Variants in VEGFC observed in about 807,000 individuals in gnomAD.
VEGFC encodes FLT4 ligand DHM.
VEGFC carries 12 observed loss-of-function variants against 46.1 expected under a neutral mutation model. The ratio of observed to expected loss-of-function variants is 0.26; its 90% CI spans 0.17 to 0.42. The LOEUF is 0.42. Ranked by LOEUF, VEGFC falls within the 10% of genes least tolerant of loss-of-function variation. The pLI, the probability that VEGFC is intolerant of heterozygous loss-of-function variation, is 1.00. For missense variants in VEGFC, 488 were observed against 529.4 expected (o/e 0.92, Z 0.77); for synonymous variants, 232 against 195.5 (o/e 1.19, Z -1.56).
chr4:176,688,057 G>A (rs1022139667), intron 4 of VEGFC, 130 bp from the exon 5 acceptor site: 31 of 540,608 alleles, frequency 5.7e-5, no homozygotes, highest in Non-Finnish European at 9.7e-5. Flanking sequence ...GAGATAAAAT[G>A]TGAATGTTTT....
intron 3 of VEGFC, among the ~76,000 whole-genome samples, chr4:176,723,764 A>G (rs1734829158): frequency 7.4e-6 from 1 of 134,350 alleles, no homozygotes; most frequent in Admixed American, 7.6e-5. Flanking sequence ...CTTTTATTTT[A>G]GGTTTGGGGT....
Position 176,687,817 on chromosome 4 carries a change from T to G in VEGFC, c.811+4A>C. 1 of 1,604,310 alleles carries G rather than the reference T, an allele frequency of 6.2e-7. No homozygotes were observed. The highest frequency in any genetic ancestry group is 8.5e-7 in the Non-Finnish European group (1 of 1,172,446). On this transcript the variant is annotated splice_donor_region_variant and intron_variant, in intron 5 of 6. Transcript: ENST00000618562. ...TTTAGTCTTTAAAGCATCATTCTGC[T>G]TACCATCTCCAGCATCCGAGGAAAA...
intron 1 of VEGFC, among the ~76,000 whole-genome samples, chr4:176,730,051 T>C (rs991803480): frequency 6.6e-6 from 1 of 152,196 alleles, no homozygotes; most frequent in African/African-American, 2.4e-5. Context: ...GGTCAATTTG[T>C]ATGTTTGAAA....
At chr4:176,754,863 G>A (rs989123483) in intron 1 of VEGFC, among the ~76,000 whole-genome samples, 8 of 151,900 alleles carry the variant, frequency 5.3e-5, no homozygotes, top group Non-Finnish European at 1.0e-4. Flanking sequence ...AAGTTTCTTA[G>A]GATATCCACT....
intron 1 of VEGFC, among the ~76,000 whole-genome samples, chr4:176,764,810 A>G (rs534226367): frequency 2.0e-5 from 3 of 152,340 alleles, no homozygotes; most frequent in Admixed American, 2.0e-4. Context: ...TAGTCTAGAC[A>G]GTTATAATTT....
At chr4:176,779,865 C>T (rs898140357) in intron 1 of VEGFC, among the ~76,000 whole-genome samples, 35 of 152,128 alleles carry the variant, frequency 2.3e-4, no homozygotes, top group African/African-American at 7.2e-4. Flanking sequence ...AAACAATGTG[C>T]GAATGTACCA....
intron 1 of VEGFC, among the ~76,000 whole-genome samples, chr4:176,740,192 TTCTATATATAGAATATATA>T (rs1464543104): frequency 3.2e-5 from 4 of 123,298 alleles, no homozygotes; most frequent in African/African-American, 1.3e-4. Context: ...TAACTATATA[TTCTATATATAGAATATATA>T]TCTATATATA....
chr4:176,773,220 C>T (rs565344606), intron 1 of VEGFC, among the ~76,000 whole-genome samples: 2 of 152,124 alleles, frequency 1.3e-5, no homozygotes, highest in African/African-American at 4.8e-5. Flanking sequence ...GTTGTGACCA[C>T]GAGGAATGAA....
At chr4:176,763,519 A>C (rs1277269399) in intron 1 of VEGFC, among the ~76,000 whole-genome samples, 1 of 152,152 alleles carries the variant, frequency 6.6e-6, no homozygotes, top group Non-Finnish European at 1.5e-5. Context: ...ATATACATAA[A>C]ACTCAATGGG....
intron 1 of VEGFC, among the ~76,000 whole-genome samples, chr4:176,741,970 T>G (rs1735183620): frequency 6.6e-6 from 1 of 151,952 alleles, no homozygotes; most frequent in Admixed American, 6.6e-5. Flanking sequence ...GTTTTTTGTT[T>G]GCTTGTTAAT....
intron 1 of VEGFC, among the ~76,000 whole-genome samples, chr4:176,754,618 T>G (rs918407244): frequency 6.6e-6 from 1 of 152,004 alleles, no homozygotes; most frequent in African/African-American, 2.4e-5. Context: ...GTAAAGACAC[T>G]GGAACCATGT....
At chr4:176,701,495 C>T (rs146534175) in intron 4 of VEGFC, among the ~76,000 whole-genome samples, 31 of 152,232 alleles carry the variant, frequency 2.0e-4, no homozygotes, top group Non-Finnish European at 2.9e-4. Context: ...GCCATAGGAA[C>T]GCTGTGCTTT....
intron 4 of VEGFC, among the ~76,000 whole-genome samples, chr4:176,697,211 G>A (rs1222230598): frequency 6.6e-6 from 1 of 150,456 alleles, no homozygotes. Flanking sequence ...TACAAAATGG[G>A]AGAAAATTTT....
chr4:176,765,011 C>A (rs754980595), intron 1 of VEGFC, among the ~76,000 whole-genome samples: 3 of 151,850 alleles, frequency 2.0e-5, no homozygotes, highest in Non-Finnish European at 2.9e-5. Flanking sequence ...AATTCAAGAC[C>A]ACCTTCAGCA....
intron 1 of VEGFC, among the ~76,000 whole-genome samples, chr4:176,752,670 A>G (rs765647731): frequency 1.6e-4 from 24 of 152,160 alleles, no homozygotes; most frequent in Non-Finnish European, 2.9e-4. Context: ...AATGTAAGTT[A>G]TATCACACAA....
chr4:176,784,127 T>C (rs1358514865), intron 1 of VEGFC, among the ~76,000 whole-genome samples: 3 of 143,806 alleles, frequency 2.1e-5, no homozygotes, highest in South Asian at 4.4e-4. Flanking sequence ...TGCAGTGGGG[T>C]GATCTCAGCT....
At chr4:176,707,053 T>C (rs540190037) in intron 4 of VEGFC, among the ~76,000 whole-genome samples, 3 of 152,200 alleles carry the variant, frequency 2.0e-5, no homozygotes, top group Non-Finnish European at 4.4e-5. Flanking sequence ...TTTTATGTTC[T>C]TGTGTGTATC....
At chr4:176,698,041 A>G (rs1381503675) in intron 4 of VEGFC, among the ~76,000 whole-genome samples, 2 of 152,010 alleles carry the variant, frequency 1.3e-5, no homozygotes, top group African/African-American at 4.8e-5. Flanking sequence ...GGTAGATGAC[A>G]AGTTAGTGGG....
At chr4:176,707,476 A>C (rs1734553939) in intron 4 of VEGFC, among the ~76,000 whole-genome samples, 1 of 152,198 alleles carries the variant, frequency 6.6e-6, no homozygotes, top group African/African-American at 2.4e-5. Context: ...ATAATTCATA[A>C]AGGGTTGAGA....
Sources: gnomAD v4.1 joint callset for allele counts (sites outside exome capture counted in the v4.1 genomes callset) on GRCh38, gnomAD v4.1.1 for gene constraint, MANE v1.5 for transcripts, NCBI Gene and HGNC (gene_info 2026-07-23, HGNC 2026-07-21) for gene names.